GALNT14: variants seen among roughly 807,000 people sequenced by gnomAD.
GALNT14 encodes the protein UDP-GalNAc:polypeptide N-acetylgalactosaminyltransferase 14.
Under a neutral mutation model 77.5 loss-of-function variants are expected in GALNT14, and 60 were observed. That is an observed-to-expected ratio of 0.77 (90% CI 0.63 to 0.96). The LOEUF (loss-of-function observed/expected upper bound fraction) is 0.96, where lower values mean the gene tolerates loss of function less well. Among genes scored for constraint, GALNT14 ranks in the 40% least tolerant of loss-of-function variants. GALNT14 has a pLI of 0.00. For synonymous variants in GALNT14, 280 were observed against 281.7 expected, an observed-to-expected ratio of 0.99 and a Z score of 0.06; for missense variants, 710 against 731.0, an observed-to-expected ratio of 0.97 and a Z score of 0.33.
chr2:31,045,610 CCACA>C (rs1259116578), intron 1 of GALNT14, among the ~76,000 whole-genome samples: 1 of 152,012 alleles, frequency 6.6e-6, no homozygotes, highest in Non-Finnish European at 1.5e-5. Context: ...TTACAGGCAC[CCACA>C]ACCACGCCTG....
At chr2:30,915,599 T>C (rs1314211909) in intron 13 of GALNT14, among the ~76,000 whole-genome samples, 1 of 152,152 alleles carries the variant, frequency 6.6e-6, no homozygotes, top group African/African-American at 2.4e-5. Context: ...TGAATGAGTT[T>C]ATTAAAAGAA....
intron 1 of GALNT14, among the ~76,000 whole-genome samples, chr2:31,055,651 G>A (rs533444270): frequency 5.3e-5 from 8 of 152,314 alleles, no homozygotes; most frequent in African/African-American, 1.7e-4. Flanking sequence ...CTCACTGAAA[G>A]GAGAGAGGAT....
In GALNT14 at chr2:30,924,105, G is replaced by T; in HGVS notation, c.1380+14C>A. ...TGTGACACATGGTCCTGTATGCCCA[G>T]CCAGTTACTTTACCTGGGACTTTGC... On this transcript the variant is annotated intron_variant, in intron 13 of 14. Transcript: ENST00000349752. 6.2e-7 allele frequency: 1 copy of T among 1,614,156 alleles called. No individual in the cohort carries two copies. The highest frequency in any genetic ancestry group is 8.5e-7 in the Non-Finnish European group (1 of 1,179,982).
chr2:30,891,186 G>A, the GALNT14 span, among the ~76,000 whole-genome samples: 2 of 152,168 alleles, frequency 1.3e-5, no homozygotes, highest in African/African-American at 4.8e-5. Flanking sequence ...CTGTGAATTA[G>A]TAGGTCACCA....
At chr2:31,033,929 C>G (rs189762519) in intron 1 of GALNT14, among the ~76,000 whole-genome samples, 9 of 152,316 alleles carry the variant, frequency 5.9e-5, no homozygotes, top group Admixed American at 3.9e-4. Context: ...ATTTATCGAG[C>G]ATTTGAGAGT....
intron 1 of GALNT14, among the ~76,000 whole-genome samples, chr2:31,025,465 G>A (rs1370089571): frequency 1.3e-5 from 2 of 152,174 alleles, no homozygotes; most frequent in African/African-American, 2.4e-5. Flanking sequence ...AAGCTAAGGA[G>A]GCCACTGGAA....
At chr2:30,948,101 T>C (rs187757441) in intron 6 of GALNT14, among the ~76,000 whole-genome samples, 1 of 152,304 alleles carries the variant, frequency 6.6e-6, no homozygotes, top group African/African-American at 2.4e-5. Flanking sequence ...TCCACACAAA[T>C]ACCTGGACGT....
chr2:30,910,035 G>A (rs1408322532), downstream of GALNT14, among the ~76,000 whole-genome samples: 4 of 130,300 alleles, frequency 3.1e-5, no homozygotes, highest in East Asian at 2.2e-4. Context: ...ACAGGAAGGG[G>A]AATATCACAC....
chr2:31,118,602 A>G (rs1332029622), intron 1 of GALNT14, among the ~76,000 whole-genome samples: 1 of 152,188 alleles, frequency 6.6e-6, no homozygotes, highest in East Asian at 1.9e-4. Flanking sequence ...TATCTAATAA[A>G]GGTGAGCAGT....
intron 6 of GALNT14, among the ~76,000 whole-genome samples, chr2:30,955,083 G>A (rs1422989328): frequency 3.3e-5 from 5 of 152,178 alleles, no homozygotes; most frequent in Admixed American, 6.5e-5. Context: ...GACACTGGAG[G>A]AATGAAGCAT....
At chr2:30,976,919 A>G (rs544753774) in intron 2 of GALNT14, among the ~76,000 whole-genome samples, 50 of 152,072 alleles carry the variant, frequency 3.3e-4, no homozygotes, top group African/African-American at 1.1e-3. Flanking sequence ...TCCTCTTCTC[A>G]TGGTGGTGGA....
At chr2:31,027,205 GTGGATCACC>G (rs1672112827) in intron 1 of GALNT14, among the ~76,000 whole-genome samples, 2 of 152,200 alleles carry the variant, frequency 1.3e-5, no homozygotes, top group African/African-American at 2.4e-5. Context: ...GCCAAGGCGG[GTGGATCACC>G]TGAGGTCAGG....
At chr2:30,925,606 C>T (rs1011579836) in intron 11 of GALNT14, among the ~76,000 whole-genome samples, 2 of 152,136 alleles carry the variant, frequency 1.3e-5, no homozygotes, top group Non-Finnish European at 2.9e-5. Context: ...AGAAGCTCTG[C>T]GGGCAGGAAG....
chr2:30,927,702 G>A (rs1196978219), intron 11 of GALNT14, among the ~76,000 whole-genome samples: 2 of 152,174 alleles, frequency 1.3e-5, no homozygotes, highest in African/African-American at 4.8e-5. Flanking sequence ...AACAGAAGGT[G>A]TCATCTGCTG....
intron 1 of GALNT14, chr2:31,078,840 G>A (rs1675977924): frequency 8.9e-7 from 1 of 1,120,314 alleles, no homozygotes; most frequent in Admixed American, 2.4e-5. Flanking sequence ...TATAGGCCTG[G>A]GAGAACCCAG....
At chr2:31,121,042 A>G (rs1450375745) in intron 1 of GALNT14, among the ~76,000 whole-genome samples, 1 of 152,230 alleles carries the variant, frequency 6.6e-6, no homozygotes, top group Non-Finnish European at 1.5e-5. Flanking sequence ...TGGTGTACAC[A>G]AGAAAGAATT....
chr2:30,946,114 GGCC>G, intron 6 of GALNT14, among the ~76,000 whole-genome samples: 2 of 152,280 alleles, frequency 1.3e-5, no homozygotes, highest in South Asian at 4.1e-4. Context: ...CTGCCGCAGT[GGCC>G]ATCTAAGAAA....
chr2:30,945,734 G>A (rs770104234), intron 7 of GALNT14, 49 bp downstream of exon 7: 1 of 1,449,798 alleles, frequency 6.9e-7, no homozygotes, highest in Admixed American at 1.7e-5. Flanking sequence ...AGCAGTGACT[G>A]AGAGGAAAAG....
chr2:30,926,313 T>C (rs1377991375), intron 11 of GALNT14, among the ~76,000 whole-genome samples: 1 of 152,094 alleles, frequency 6.6e-6, no homozygotes, highest in Non-Finnish European at 1.5e-5. Context: ...GGATTCAAGG[T>C]TGACACCTAG....
Sources: allele counts gnomAD v4.1 joint callset (sites outside exome capture counted in the v4.1 genomes callset), GRCh38; gene constraint gnomAD v4.1.1; transcripts MANE v1.5; gene names NCBI Gene and HGNC (gene_info 2026-07-23, HGNC 2026-07-21).